Variants in CACNA1B observed in about 807,000 individuals in gnomAD.
CACNA1B encodes the protein calcium voltage-gated channel subunit alpha1 B, also known as voltage-dependent N-type calcium channel subunit alpha-1B.
Under a neutral mutation model 247.2 loss-of-function variants are expected in CACNA1B, and 70 were observed. That is an observed-to-expected ratio of 0.28 (90% CI 0.23 to 0.35). CACNA1B has a LOEUF of 0.35. CACNA1B is among the 10% of genes least tolerant of loss of function. The pLI is 1.00. For synonymous variants in CACNA1B, 1,231 were observed against 1,294.4 expected, an observed-to-expected ratio of 0.95 and a Z score of 1.05; for missense variants, 2,367 against 3,197.4, an observed-to-expected ratio of 0.74 and a Z score of 6.26.
intron 20 of CACNA1B, among the ~76,000 whole-genome samples, chr9:138,032,199 C>T (rs1283927824): frequency 6.6e-6 from 1 of 151,704 alleles, no homozygotes; most frequent in Non-Finnish European, 1.5e-5. Flanking sequence ...TTAGTGGTTG[C>T]CCTGTGTATT....
rs1490028912 is a variant in CACNA1B at position 137,913,897 on chromosome 9, T to C, written c.622+626T>C. ...GAGGCCACTGAGGGAAGACCCGTGA[T>C]TGGCTCCCTGTTCTACCCTGAGACC... On this transcript the variant is annotated intron_variant, in intron 4 of 46. Transcript: ENST00000371372. The surrounding 1 kb of genome is among the most constrained non-coding windows in gnomAD (Gnocchi z 5.2). Among the ~76,000 whole-genome samples, 4 of 152,206 alleles carry C rather than the reference T, an allele frequency of 2.6e-5. No homozygotes were observed. Among genetic ancestry groups the C allele is most frequent in the African/African-American group, 9.7e-5 (4 of 41,450 alleles).
chr9:137,909,653 CT>C (rs1957338876), intron 3 of CACNA1B, among the ~76,000 whole-genome samples: 1 of 152,180 alleles, frequency 6.6e-6, no homozygotes, highest in Non-Finnish European at 1.5e-5. Flanking sequence ...GTGAGTGACG[CT>C]GCTATGAGCG....
chr9:137,948,190 A>G (rs1384341524), intron 6 of CACNA1B, among the ~76,000 whole-genome samples: 1 of 152,102 alleles, frequency 6.6e-6, no homozygotes, highest in African/African-American at 2.4e-5. Context: ...CATGTTGGCC[A>G]GGCTGGTCTC....
intron 12 of CACNA1B, among the ~76,000 whole-genome samples, chr9:137,983,631 A>G (rs1249799573): frequency 5.9e-5 from 9 of 152,096 alleles, no homozygotes; most frequent in Admixed American, 2.0e-4. Flanking sequence ...TCAAGATGCA[A>G]TTTATGAATC....
At position 138,023,008 on chromosome 9, in the gene CACNA1B, C is replaced by A; in HGVS notation, c.2268-3C>A. 1 of 1,500,268 alleles carries A rather than the reference C, an allele frequency of 6.7e-7. No individual in the cohort carries two copies. Among genetic ancestry groups the A allele is most frequent in the Non-Finnish European group, 8.8e-7 (1 of 1,131,928 alleles). 92.9% of individuals were successfully genotyped at this position (1,500,268 alleles called of 1,614,324 possible). A position where few individuals can be genotyped will look rare whatever the true frequency, so the allele number is the denominator to read the frequency against. ...GCCGCGCTCACCGCCAGTCTCCCCG[C>A]AGCAGGCAGCAGAACTCGGCCAAGG... On this transcript the variant is annotated splice_polypyrimidine_tract_variant and splice_region_variant and intron_variant, in intron 18 of 46. Transcript: ENST00000371372.
chr9:137,961,745 T>G (rs1279175701), intron 10 of CACNA1B, among the ~76,000 whole-genome samples: 1 of 152,172 alleles, frequency 6.6e-6, no homozygotes, highest in Non-Finnish European at 1.5e-5. Flanking sequence ...TAGATTGTGG[T>G]GGATAAGCTT....
chr9:138,023,384 G>T lies in CACNA1B; in HGVS notation c.2641G>T (p.Ala881Ser). Residue 881 changes from alanine (A) to serine (S), a missense_variant, in exon 19 of 47, where the codon GCC becomes TCC. By Grantham distance (99) the Ala-to-Ser change is moderately conservative. Coordinates refer to ENST00000371372, the MANE Select transcript of CACNA1B (RefSeq NM_000718.4). ...APKAESGEPG[A>S]REERPRPHRS... ...GAAGGCGGAGAGCGGGGAGCCCGGT[G>T]CCCGGGAGGAGCGGCCGCGGCCGCA... 1 of 1,376,480 alleles carries T rather than the reference G, an allele frequency of 7.3e-7. No individual in the cohort carries two copies. The highest frequency in any genetic ancestry group is 9.3e-7 in the Non-Finnish European group (1 of 1,072,786). The allele number at this position is 1,376,480 out of a possible 1,614,324, so 85.3% of individuals were successfully genotyped here.
intron 36 of CACNA1B, among the ~76,000 whole-genome samples, chr9:138,087,917 C>G (rs1960755011): frequency 6.6e-6 from 1 of 151,788 alleles, no homozygotes; most frequent in African/African-American, 2.4e-5. Flanking sequence ...ATCAGAAACA[C>G]ACAAAGATTT....
chr9:138,003,046 C>T lies in CACNA1B; in HGVS notation c.1975-3721C>T, dbSNP rs564425566. Among the ~76,000 whole-genome samples, 253 of 151,650 alleles carry T rather than the reference C, an allele frequency of 1.7e-3. 1 individual carries two copies. The highest frequency in any genetic ancestry group is 5.3e-3 in the African/African-American group (221 of 41,384). ...ACTCCTGACCTTGTGATCCGTCCAC[C>T]TTGGCCTCCAAAGTGCTGGGATTAC... On this transcript the variant is annotated intron_variant, in intron 15 of 46. Coordinates refer to ENST00000371372, the MANE Select transcript of CACNA1B (RefSeq NM_000718.4).
At chr9:137,896,022 G>A (rs888550384) in intron 3 of CACNA1B, among the ~76,000 whole-genome samples, 3 of 152,230 alleles carry the variant, frequency 2.0e-5, no homozygotes, top group East Asian at 1.9e-4. Flanking sequence ...GGCAGATCAC[G>A]AGGTCAGGAG....
intron 20 of CACNA1B, among the ~76,000 whole-genome samples, chr9:138,038,164 G>C (rs886915157): frequency 6.6e-6 from 1 of 152,128 alleles, no homozygotes; most frequent in East Asian, 1.9e-4. Flanking sequence ...GAATTTTAAC[G>C]TGTTTGACGT....
At chr9:138,002,237 G>C (rs1300853259) in intron 15 of CACNA1B, among the ~76,000 whole-genome samples, 2 of 152,172 alleles carry the variant, frequency 1.3e-5, no homozygotes, top group Non-Finnish European at 2.9e-5. Context: ...GGTTATATGA[G>C]AAAGATGTCA....
At chr9:137,946,422 TTG>T (rs1286315810) in intron 6 of CACNA1B, among the ~76,000 whole-genome samples, 1 of 152,130 alleles carries the variant, frequency 6.6e-6, no homozygotes, top group Non-Finnish European at 1.5e-5. Flanking sequence ...CCACTGCCAA[TTG>T]TGTCACACGT....
At position 138,059,027 on chromosome 9, in the gene CACNA1B, G is replaced by C. The variant is rs1393180435; in HGVS notation, c.4474-52G>C. The C allele has an allele frequency of 8.2e-5, 88 of 1,074,838 alleles. 1 individual carries two copies. The South Asian group carries it at 1.1e-3, about 14-fold the overall frequency. 66.6% of individuals were successfully genotyped at this position (1,074,838 alleles called of 1,614,324 possible). Reference sequence around the variant, plus strand: ...GCTTGGTCATAGTGGTCCCAGATGGGGTGTCTTGGGGCTGCCAAACCCATG... The same window carrying C: ...GCTTGGTCATAGTGGTCCCAGATGGCGTGTCTTGGGGCTGCCAAACCCATG... On this transcript the variant is annotated intron_variant, in intron 29 of 46. Transcript: ENST00000371372. This position sits in a 1 kb window ranked among gnomAD's most constrained non-coding sequence, Gnocchi z 4.2.
At chr9:137,928,113 T>G (rs964045259) in intron 6 of CACNA1B, among the ~76,000 whole-genome samples, 2 of 152,190 alleles carry the variant, frequency 1.3e-5, no homozygotes, top group Admixed American at 6.5e-5. Flanking sequence ...TTGTTGTTGT[T>G]GTTGAGACGG....
At position 137,882,662 on chromosome 9, in the gene CACNA1B, G is replaced by T; in HGVS notation, c.391-82G>T. On this transcript the variant is annotated intron_variant, in intron 2 of 46. Coordinates refer to ENST00000371372, the MANE Select transcript of CACNA1B (RefSeq NM_000718.4). The surrounding 1 kb of genome is among the most constrained non-coding windows in gnomAD (Gnocchi z 4.0). ...GATAGCTGTGGCCTGCACATGGTGG[G>T]GTGGGGTCCTCACCAACCGTCTCTG... The T allele has an allele frequency of 6.6e-7, 1 of 1,521,428 alleles. No homozygotes were observed. The highest frequency in any genetic ancestry group is 9.1e-7 in the Non-Finnish European group (1 of 1,103,284). The allele number at this position is 1,521,428 out of a possible 1,614,324, so 94.2% of individuals were successfully genotyped here.
chr9:137,960,315 G>A (rs1178698174), intron 10 of CACNA1B, among the ~76,000 whole-genome samples: 2 of 150,970 alleles, frequency 1.3e-5, no homozygotes, highest in African/African-American at 4.9e-5. Context: ...GGGACACGGG[G>A]CGTGGGGTGG....
intron 38 of CACNA1B, 33 bp from the exon 39 acceptor site, chr9:138,105,666 G>A: frequency 8.0e-7 from 1 of 1,245,508 alleles, no homozygotes; most frequent in Non-Finnish European, 1.1e-6. Context: ...GACCCCAGCA[G>A]GCCTGGCCCT....
intron 6 of CACNA1B, among the ~76,000 whole-genome samples, chr9:137,931,776 A>G (rs1025361573): frequency 2.6e-5 from 4 of 152,166 alleles, no homozygotes; most frequent in Admixed American, 2.6e-4. Context: ...TCTCATGATC[A>G]TCTGAAGCTT....
Sources: allele counts gnomAD v4.1 joint callset (sites outside exome capture counted in the v4.1 genomes callset), GRCh38; gene constraint gnomAD v4.1.1; non-coding constraint Gnocchi (gnomAD v3.1); transcripts MANE v1.5; gene names NCBI Gene and HGNC (gene_info 2026-07-23, HGNC 2026-07-21).